The following NUP210L variants were observed in gnomAD, a reference collection of about 807,000 sequenced individuals.
The protein encoded by NUP210L is nuclear pore membrane glycoprotein 210-like.
A neutral mutation model predicts 208.5 loss-of-function variants in NUP210L; 74 were observed. The observed-to-expected ratio is 0.35, with a 90% CI of 0.29 to 0.43. The LOEUF is 0.43. NUP210L is among the 20% of genes least tolerant of loss of function. NUP210L has a pLI of 1.00. For missense variants in NUP210L, 1,843 were observed against 2,289.4 expected (o/e 0.81, Z 3.98); for synonymous variants, 780 against 816.9 (o/e 0.95, Z 0.77).
intron 30 of NUP210L, among the ~76,000 whole-genome samples, chr1:154,024,922 G>GTTTTTTTTTTTTTT (rs71096508): frequency 1.2e-5 from 1 of 83,690 alleles, no homozygotes; most frequent in Non-Finnish European, 2.1e-5. Flanking sequence ...AGGCTGATCT[G>GTTTTTTTTTTTTTT]TTTTTTTTTT....
intron 35 of NUP210L, among the ~76,000 whole-genome samples, chr1:154,004,991 T>A (rs1265658435): frequency 1.4e-5 from 2 of 145,420 alleles, no homozygotes; most frequent in African/African-American, 5.1e-5. Context: ...GTAGCTGGGA[T>A]TACAGGTGTG....
intron 12 of NUP210L, among the ~76,000 whole-genome samples, chr1:154,116,940 C>T (rs1657361534): frequency 6.6e-6 from 1 of 152,104 alleles, no homozygotes; most frequent in Non-Finnish European, 1.5e-5. Context: ...GGAGTAAACA[C>T]TATCTCATTT....
chr1:154,023,269 C>A, exon 31 of NUP210L: 1 of 1,611,674 alleles, frequency 6.2e-7, no homozygotes, highest in Non-Finnish European at 8.5e-7. Flanking sequence ...GGGTTGGCTG[C>A]TCACTCGCAG....
chr1:154,072,700 G>C (rs1280220462), intron 16 of NUP210L, among the ~76,000 whole-genome samples: 2 of 152,094 alleles, frequency 1.3e-5, no homozygotes, highest in African/African-American at 2.4e-5. Context: ...AATGGTACTG[G>C]GATAACTGGC....
intron 27 of NUP210L, among the ~76,000 whole-genome samples, chr1:154,044,052 A>G (rs1274955248): frequency 6.6e-6 from 1 of 152,212 alleles, no homozygotes; most frequent in African/African-American, 2.4e-5. Context: ...GAAAGGGAGA[A>G]GTAGAATAGA....
chr1:154,058,008 T>G (rs1490896837), intron 22 of NUP210L, 81 bp downstream of exon 22: 2 of 1,444,392 alleles, frequency 1.4e-6, no homozygotes, highest in East Asian at 4.6e-5. Flanking sequence ...TAATCTAAGG[T>G]AAGGGAAAGC....
chr1:154,144,112 C>G (rs1459538217), intron 2 of NUP210L, among the ~76,000 whole-genome samples: 1 of 151,940 alleles, frequency 6.6e-6, no homozygotes, highest in Non-Finnish European at 1.5e-5. Context: ...ACCCAGGAGA[C>G]AGAGGTTGTA....
chr1:154,013,282 A>C (rs1255677358), intron 33 of NUP210L, among the ~76,000 whole-genome samples: 1 of 152,056 alleles, frequency 6.6e-6, no homozygotes, highest in African/African-American at 2.4e-5. Context: ...CCCTATTAAA[A>C]TGCCTTTGAG....
At chr1:153,995,615 G>A (rs562345889) in intron 37 of NUP210L, 2 of 1,034,330 alleles carry the variant, frequency 1.9e-6, no homozygotes, top group African/African-American at 1.6e-5. Context: ...CAGGGACGTT[G>A]TCTGCAGGCA....
intron 2 of NUP210L, among the ~76,000 whole-genome samples, chr1:154,145,719 AG>A (rs1313758603): frequency 6.6e-6 from 1 of 152,230 alleles, no homozygotes. Context: ...CTAAGGTGCA[AG>A]ATTAGAATTG....
intron 5 of NUP210L, among the ~76,000 whole-genome samples, chr1:154,139,034 G>A (rs768606004): frequency 6.6e-5 from 10 of 152,190 alleles, no homozygotes; most frequent in South Asian, 4.1e-4. Context: ...TTAGGAGGCC[G>A]AGACAGGTGG....
chr1:154,058,048 T>C (rs199749937), intron 22 of NUP210L, 41 bp downstream of exon 22: 3 of 1,610,396 alleles, frequency 1.9e-6, no homozygotes, highest in South Asian at 1.1e-5. Flanking sequence ...GAGAGTCTTA[T>C]GATATGCAGA....
intron 37 of NUP210L, among the ~76,000 whole-genome samples, chr1:153,996,213 A>T (rs1450170907): frequency 6.6e-6 from 1 of 151,994 alleles, no homozygotes; most frequent in Non-Finnish European, 1.5e-5. Flanking sequence ...AATGGCGTGA[A>T]CCCGGGAGGC....
chr1:154,135,405 C>T (rs1658481038), intron 7 of NUP210L, among the ~76,000 whole-genome samples: 1 of 151,774 alleles, frequency 6.6e-6, no homozygotes, highest in South Asian at 2.1e-4. Context: ...TATAGGAAAA[C>T]ACTGTAGTAG....
At chr1:154,096,873 G>A (rs548087862) in intron 14 of NUP210L, among the ~76,000 whole-genome samples, 16 of 152,192 alleles carry the variant, frequency 1.1e-4, no homozygotes, top group South Asian at 2.1e-4. Context: ...TTGAGCCCAG[G>A]AATTTGAGAC....
chr1:154,099,667 G>A (rs1185263928), intron 14 of NUP210L, among the ~76,000 whole-genome samples: 1 of 152,184 alleles, frequency 6.6e-6, no homozygotes, highest in African/African-American at 2.4e-5. Context: ...ATATGCACAT[G>A]TAAAAATTCA....
chr1:154,094,707 C>T (rs1319969112), intron 15 of NUP210L, among the ~76,000 whole-genome samples: 1 of 152,082 alleles, frequency 6.6e-6, no homozygotes, highest in Non-Finnish European at 1.5e-5. Flanking sequence ...ACAAAAAGAT[C>T]TTGTTTAGTT....
intron 16 of NUP210L, among the ~76,000 whole-genome samples, chr1:154,084,780 A>C (rs1459146698): frequency 1.4e-5 from 2 of 140,294 alleles, no homozygotes; most frequent in Admixed American, 1.5e-4. Context: ...GCTGGGACCC[A>C]TATTTCTTTA....
chr1:154,040,013 A>G (rs949027198), intron 27 of NUP210L: 2 of 152,140 alleles, frequency 1.3e-5, no homozygotes, highest in African/African-American at 4.8e-5. Context: ...TATGTTGCCA[A>G]AGTGAGCACT....
Sources: allele counts gnomAD v4.1 joint callset (sites outside exome capture counted in the v4.1 genomes callset), GRCh38; gene constraint gnomAD v4.1.1; transcripts MANE v1.5; gene names NCBI Gene and HGNC (gene_info 2026-07-23, HGNC 2026-07-21).